CALN1: variants seen among roughly 807,000 people sequenced by gnomAD.
CALN1 encodes calcium-binding protein 8.
In CALN1, 17 loss-of-function variants were observed where a neutral mutation model predicts 30.6. The observed-to-expected ratio is 0.56, with a 90% CI of 0.38 to 0.83. The LOEUF is 0.83. Among genes scored for constraint, CALN1 ranks in the 40% least tolerant of loss-of-function variants. The pLI is 0.00. For missense variants in CALN1, 291 were observed against 354.9 expected, an observed-to-expected ratio of 0.82 and a Z score of 1.45; for synonymous variants, 156 against 131.4, an observed-to-expected ratio of 1.19 and a Z score of -1.28.
At chr7:72,179,116 G>T (rs185884052) in intron 3 of CALN1, among the ~76,000 whole-genome samples, 243 of 152,212 alleles carry the variant, frequency 1.6e-3, no homozygotes, top group Non-Finnish European at 3.1e-3. Flanking sequence ...CACACTAATT[G>T]GGTGAAAAGT....
intron 5 of CALN1, among the ~76,000 whole-genome samples, chr7:71,816,952 AG>A (rs1361341605): frequency 6.6e-6 from 1 of 152,160 alleles, no homozygotes; most frequent in African/African-American, 2.4e-5. Flanking sequence ...TGGGCAACAG[AG>A]CGAGACTCTG....
intron 3 of CALN1, among the ~76,000 whole-genome samples, chr7:72,172,722 T>C (rs190445069): frequency 6.6e-6 from 1 of 152,262 alleles, no homozygotes; most frequent in Admixed American, 6.5e-5. Flanking sequence ...TAGAAAAAAA[T>C]ACTTGACAAA....
intron 4 of CALN1, among the ~76,000 whole-genome samples, chr7:72,088,524 C>A (rs1805629009): frequency 6.6e-6 from 1 of 151,774 alleles, no homozygotes; most frequent in South Asian, 2.1e-4. Context: ...CATGTTGAAA[C>A]CCCATCTGTA....
At chr7:71,895,318 CT>C (rs56366031) in intron 5 of CALN1, among the ~76,000 whole-genome samples, 3 of 150,744 alleles carry the variant, frequency 2.0e-5, no homozygotes, top group Non-Finnish European at 4.4e-5. Flanking sequence ...TCTCTCTTTT[CT>C]TTTTTTTTGA....
intron 3 of CALN1, among the ~76,000 whole-genome samples, chr7:72,276,585 A>C (rs75057903): frequency 0.016 from 2,427 of 152,084 alleles, 36 homozygotes; most frequent in African/African-American, 0.032. Context: ...ACGTGATTTG[A>C]CTATGAAAGA....
chr7:72,388,876 G>A (rs1484080198), intron 2 of CALN1, among the ~76,000 whole-genome samples: 2 of 152,180 alleles, frequency 1.3e-5, no homozygotes, highest in Non-Finnish European at 2.9e-5. Flanking sequence ...TCTAGTTGGT[G>A]CAATGCTTTC....
intron 2 of CALN1, among the ~76,000 whole-genome samples, chr7:72,355,513 G>C (rs1414429934): frequency 1.3e-5 from 2 of 152,146 alleles, no homozygotes; most frequent in African/African-American, 4.8e-5. Context: ...GCAACAGAGT[G>C]AGACTGTCTC....
chr7:72,414,370 G>C (rs1476329795), upstream of CALN1, among the ~76,000 whole-genome samples: 1 of 152,194 alleles, frequency 6.6e-6, no homozygotes, highest in Admixed American at 6.5e-5. Flanking sequence ...GGTAGAGCGA[G>C]ACAGAGAGGC....
chr7:72,025,397 T>C (rs760578671), intron 4 of CALN1, among the ~76,000 whole-genome samples: 8 of 152,208 alleles, frequency 5.3e-5, no homozygotes, highest in Admixed American at 3.9e-4. Flanking sequence ...AAGCAAAAGA[T>C]TGTCAGTTCT....
intron 5 of CALN1, among the ~76,000 whole-genome samples, chr7:71,940,891 C>T (rs1205323180): frequency 3.3e-5 from 5 of 152,106 alleles, no homozygotes; most frequent in Admixed American, 3.3e-4. Context: ...AGATTACAGG[C>T]GTGAGCCACT....
chr7:72,156,824 A>C (rs1395800910), intron 3 of CALN1, among the ~76,000 whole-genome samples: 25 of 152,216 alleles, frequency 1.6e-4, no homozygotes, highest in Admixed American at 1.6e-3. Flanking sequence ...CTTCAGGATG[A>C]TGGGGCTGAA....
At chr7:72,411,033 T>G (rs1451720231) in intron 1 of CALN1, among the ~76,000 whole-genome samples, 2 of 152,010 alleles carry the variant, frequency 1.3e-5, no homozygotes, top group Non-Finnish European at 2.9e-5. Context: ...AAATAATAGG[T>G]GAATTTAGTA....
chr7:72,236,217 C>T (rs961157242), intron 3 of CALN1, among the ~76,000 whole-genome samples: 6 of 152,084 alleles, frequency 3.9e-5, no homozygotes, highest in East Asian at 1.9e-4. Context: ...TTGTTATTCA[C>T]GCAACGTCTC....
At chr7:71,852,745 CT>C (rs1305156902) in intron 5 of CALN1, among the ~76,000 whole-genome samples, 1 of 152,112 alleles carries the variant, frequency 6.6e-6, no homozygotes, top group African/African-American at 2.4e-5. Flanking sequence ...TTCAGCTTAA[CT>C]TTTTTTCTGG....
intron 1 of CALN1, among the ~76,000 whole-genome samples, chr7:72,406,634 T>TG (rs10655068): frequency 6.6e-6 from 1 of 151,452 alleles, no homozygotes; most frequent in Non-Finnish European, 1.5e-5. Flanking sequence ...TTTTCTTTTT[T>TG]AAGACGGAGT....
At chr7:72,390,463 T>C (rs1241561727) in intron 2 of CALN1, among the ~76,000 whole-genome samples, 1 of 151,860 alleles carries the variant, frequency 6.6e-6, no homozygotes, top group African/African-American at 2.4e-5. Flanking sequence ...AAATGAGAGA[T>C]TGGCTGCCCT....
At chr7:72,240,049 T>C (rs1794730158) in intron 3 of CALN1, among the ~76,000 whole-genome samples, 1 of 152,176 alleles carries the variant, frequency 6.6e-6, no homozygotes, top group South Asian at 2.1e-4. Context: ...TCAACAATCC[T>C]GGAGAGAATC....
chr7:72,189,767 C>CAA (rs56087252), intron 3 of CALN1, among the ~76,000 whole-genome samples: 34,163 of 130,668 alleles, frequency 0.26, 4,571 homozygotes, highest in Middle Eastern at 0.32. Context: ...GACTTTGTCT[C>CAA]AAAAAAAAAA....
At chr7:72,125,438 G>A (rs1444174936) in intron 3 of CALN1, among the ~76,000 whole-genome samples, 1 of 152,326 alleles carries the variant, frequency 6.6e-6, no homozygotes, top group Non-Finnish European at 1.5e-5. Context: ...CCTGGCCTGC[G>A]TGCTTGCCAT....
Sources: allele counts gnomAD v4.1 joint callset (sites outside exome capture counted in the v4.1 genomes callset), GRCh38; gene constraint gnomAD v4.1.1; transcripts MANE v1.5; gene names NCBI Gene and HGNC (gene_info 2026-07-23, HGNC 2026-07-21).